ZNF286A: variants seen among roughly 807,000 people sequenced by gnomAD.
ZNF286A encodes the protein zinc finger protein ZNF286.
A neutral mutation model predicts 49.3 loss-of-function variants in ZNF286A; 34 were observed. That is an observed-to-expected ratio of 0.69 (90% CI 0.52 to 0.92). The LOEUF is 0.92. Ranked by LOEUF, ZNF286A falls within the 40% of genes least tolerant of loss-of-function variation. ZNF286A has a pLI of 0.00. For synonymous variants in ZNF286A, 155 were observed against 200.4 expected, an observed-to-expected ratio of 0.77 and a Z score of 1.91; for missense variants, 462 against 600.2, an observed-to-expected ratio of 0.77 and a Z score of 2.41.
chr17:15,709,054 T>C (rs4239133), intron 5 of ZNF286A, among the ~76,000 whole-genome samples: 69,956 of 151,616 alleles, frequency 0.46, 16,836 homozygotes, highest in East Asian at 0.64. Context: ...ATTACATTCC[T>C]AGCAGCAGAG....
Position 15,701,228 on chromosome 17 carries a change from G to A in ZNF286A, c.114G>A (p.Thr38=), listed in dbSNP as rs1467700995. 3.1e-6 allele frequency: 5 copies of A among 1,614,034 alleles called. No homozygotes were observed. The highest frequency in any genetic ancestry group is 1.6e-4 in the Middle Eastern group (1 of 6,062). Residue 38 remains threonine, a synonymous_variant, in exon 3 of 6, where the codon ACG becomes ACA. Coordinates refer to ENST00000583566, the MANE Select transcript of ZNF286A (RefSeq NM_001130842.2). ...EEGEVAALRL[T]ARSQETVTFK... ...GAGAAGTGGCTGCTCTGCGCCTCACGGCCAGATCCCAGGTGAGTGAGTGCT... is the reference window on the plus strand; with the variant it reads ...GAGAAGTGGCTGCTCTGCGCCTCACAGCCAGATCCCAGGTGAGTGAGTGCT...
At chr17:15,702,883 A>G (rs1381705794) in intron 3 of ZNF286A, among the ~76,000 whole-genome samples, 5 of 152,240 alleles carry the variant, frequency 3.3e-5, no homozygotes, top group Non-Finnish European at 1.5e-5. Context: ...CTAATTCTTC[A>G]TTTTACTGAC....
At chr17:15,703,609 A>G (rs1428376810) in intron 3 of ZNF286A, among the ~76,000 whole-genome samples, 2 of 151,982 alleles carry the variant, frequency 1.3e-5, no homozygotes, top group African/African-American at 2.4e-5. Flanking sequence ...TTGTACTTGC[A>G]CTACTGTATT....
chr17:15,703,737 T>C (rs1989966621), intron 3 of ZNF286A, among the ~76,000 whole-genome samples: 1 of 152,208 alleles, frequency 6.6e-6, no homozygotes, highest in African/African-American at 2.4e-5. Context: ...AAAAACCTTT[T>C]TATAAGGGAA....
intron 5 of ZNF286A, among the ~76,000 whole-genome samples, chr17:15,710,329 T>C (rs1353257033): frequency 6.6e-6 from 1 of 152,214 alleles, no homozygotes. Context: ...GTCTATCTAC[T>C]TTATCCCAGT....
intron 4 of ZNF286A, among the ~76,000 whole-genome samples, chr17:15,706,744 A>T (rs1990254901): frequency 6.6e-6 from 1 of 152,094 alleles, no homozygotes; most frequent in Admixed American, 6.5e-5. Context: ...AGGGGAAAAA[A>T]ATTTTGATTT....
chr17:15,706,995 C>G (rs1242453475), intron 4 of ZNF286A, among the ~76,000 whole-genome samples: 1 of 152,138 alleles, frequency 6.6e-6, no homozygotes, highest in Non-Finnish European at 1.5e-5. Context: ...GAAACAATCT[C>G]TAGAGCCAGC....
chr17:15,711,873 C>CTTTTTT (rs769063767), intron 5 of ZNF286A, among the ~76,000 whole-genome samples: 2 of 79,908 alleles, frequency 2.5e-5, no homozygotes, highest in African/African-American at 5.0e-5. Context: ...CCCCCCCCGG[C>CTTTTTT]TTTTTTTTTT....
Position 15,716,346 on chromosome 17 carries a change from G to C in ZNF286A, c.622G>C (p.Asp208His), listed in dbSNP as rs1332155107. ...TCAGAAATCTGTCCTTATCACTGAAGACAGAGTTCCCAAAGGATCTTATGC... is the reference window on the plus strand; with the variant it reads ...TCAGAAATCTGTCCTTATCACTGAACACAGAGTTCCCAAAGGATCTTATGC... ...FNQKSVLITE[D>H]RVPKGSYAFH... Residue 208 changes from aspartate (D) to histidine (H), a missense_variant, in exon 6 of 6, where the codon GAC becomes CAC. By Grantham distance (81) the Asp-to-His change is moderately conservative. This residue lies in a region of ZNF286A where 259 missense variants were observed against 272.2 expected (regional missense o/e 0.95). Coordinates refer to ENST00000583566, the MANE Select transcript of ZNF286A (RefSeq NM_001130842.2). The C allele has an allele frequency of 1.2e-6, 2 of 1,613,846 alleles. No individual in the cohort carries two copies. Among genetic ancestry groups the C allele is most frequent in the East Asian group, 2.2e-5 (1 of 44,872 alleles).
At position 15,716,510 on chromosome 17, in the gene ZNF286A, G is replaced by A. The variant is rs774510912; in HGVS notation, c.786G>A (p.Gln262=). ...FTYHSVLIRH[Q]RVHTGEKPYT... is the part of the protein sequence containing the mutation. ...ACCATTCAGTGCTTATTCGACACCA[G>A]AGAGTCCATACTGGAGAGAAACCCT... Residue 262 remains glutamine, a synonymous_variant, in exon 6 of 6, where the codon CAG becomes CAA. Coordinates refer to ENST00000583566, the MANE Select transcript of ZNF286A (RefSeq NM_001130842.2). 1 of 1,614,110 alleles carries A rather than the reference G, an allele frequency of 6.2e-7. No homozygotes were observed. The highest frequency in any genetic ancestry group is 8.5e-7 in the Non-Finnish European group (1 of 1,180,006).
chr17:15,710,120 T>C (rs941972582), intron 5 of ZNF286A, among the ~76,000 whole-genome samples: 2 of 152,192 alleles, frequency 1.3e-5, no homozygotes, highest in Non-Finnish European at 2.9e-5. Flanking sequence ...GATTGGGCTG[T>C]TTATATCTTT....
intron 1 of ZNF286A, 169 bp from the exon 2 acceptor site, chr17:15,699,966 G>C: frequency 1.6e-6 from 1 of 619,132 alleles, no homozygotes; most frequent in Non-Finnish European, 2.9e-6. Flanking sequence ...CACGGGCGGG[G>C]TGGTCGCGGG....
rs1967328708 is a variant in ZNF286A, at chr17:15,720,737, C to T, written c.*3447C>T. ...TTGGTTATCTGTAAACTAAATGTGC[C>T]CTTATTGGCTCACTTGTCAATAAAG... is the stretch of plus-strand genomic sequence containing the variant. On this transcript the variant is annotated 3_prime_UTR_variant, in exon 6 of 6. Transcript: ENST00000583566. The T allele has an allele frequency of 6.6e-6, 1 of 151,626 alleles. No homozygotes were observed. Among genetic ancestry groups the T allele is most frequent in the Non-Finnish European group, 1.5e-5 (1 of 67,946 alleles). The allele number at this position is 151,626 out of a possible 1,614,324, so 9.4% of individuals were successfully genotyped here.
In ZNF286A at chr17:15,717,491, G is replaced by A. The variant is rs563011782; in HGVS notation, c.*201G>A. On this transcript the variant is annotated 3_prime_UTR_variant, in exon 6 of 6. Coordinates refer to ENST00000583566, the MANE Select transcript of ZNF286A (RefSeq NM_001130842.2). ...TTGATAATTATGAAATCTAGCCAGC[G>A]ATTTCAAAATTTTAATCTCCAACGT... The A allele has an allele frequency of 4.5e-5, 44 of 977,822 alleles. No homozygotes were observed. The highest frequency in any genetic ancestry group is 3.5e-4 in the African/African-American group (21 of 60,284). 60.6% of individuals were successfully genotyped at this position (977,822 alleles called of 1,614,324 possible). A position where few individuals can be genotyped will look rare whatever the true frequency, so the allele number is the denominator to read the frequency against.
intron 5 of ZNF286A, 200 bp downstream of exon 5, chr17:15,708,447 A>G (rs1047796887): frequency 2.5e-6 from 1 of 400,720 alleles, no homozygotes; most frequent in African/African-American, 2.1e-5. Flanking sequence ...ACGTACTAAT[A>G]TTTTGCTTCG....
At chr17:15,711,926 C>T (rs1597725483) in intron 5 of ZNF286A, among the ~76,000 whole-genome samples, 1 of 120,394 alleles carries the variant, frequency 8.3e-6, no homozygotes, top group South Asian at 2.9e-4. Flanking sequence ...GGCTGGAGTG[C>T]AGTGGTGCGA....
rs534711191 is a variant in ZNF286A at position 15,720,340 on chromosome 17, G to T, written c.*3050G>T. 3.3e-5 allele frequency: 5 copies of T among 151,288 alleles called. No individual in the cohort carries two copies. In the South Asian group the frequency reaches 1.1e-3, roughly 32 times the overall value. 9.4% of individuals were successfully genotyped at this position (151,288 alleles called of 1,614,324 possible). ...CGTCAGTAGAAGTTACTTAAGGTTG[G>T]CTGTGTCTTCCACATCTTTTGTTTA... On this transcript the variant is annotated 3_prime_UTR_variant, in exon 6 of 6. Transcript: ENST00000583566.
chr17:15,706,535 T>C, intron 4 of ZNF286A, 34 bp downstream of exon 4: 1 of 1,473,980 alleles, frequency 6.8e-7, no homozygotes, highest in South Asian at 1.3e-5. Flanking sequence ...AATCTGCTTA[T>C]AGGAGCATCA....
Position 15,707,167 on chromosome 17 carries a change from G to A in ZNF286A, c.241+666G>A, listed in dbSNP as rs541341864. ...AAGAAAGTGACTTCTGAGGCCGGGC[G>A]CGGTGGCTCACGCCTGTAATCCCAG... On this transcript the variant is annotated intron_variant, in intron 4 of 5. Coordinates refer to ENST00000583566, the MANE Select transcript of ZNF286A (RefSeq NM_001130842.2). 5.3e-4 allele frequency among the ~76,000 whole-genome samples: 81 copies of A among 152,254 alleles called. 1 individual carries two copies. The highest frequency in any genetic ancestry group is 1.9e-3 in the African/African-American group (78 of 41,558).
Sources: allele counts gnomAD v4.1 joint callset (sites outside exome capture counted in the v4.1 genomes callset), GRCh38; gene constraint gnomAD v4.1.1; regional missense constraint gnomAD v4.1.1; transcripts MANE v1.5; gene names NCBI Gene and HGNC (gene_info 2026-07-23, HGNC 2026-07-21).